Variants in MGAM2 observed in about 807,000 individuals in gnomAD.
MGAM2 encodes the protein probable maltase-glucoamylase 2.
A neutral mutation model predicts 96.1 loss-of-function variants in MGAM2; 98 were observed. That is an observed-to-expected ratio of 1.02 (90% CI 0.87 to 1.21). MGAM2 has a LOEUF of 1.21. MGAM2 is among the 50% of genes most tolerant of loss of function. The probability of loss-of-function intolerance (pLI) is 0.00; values close to 1 mark genes in which losing one functional copy is unlikely to be tolerated. For missense variants in MGAM2, 2,055 were observed against 1,182.4 expected, an observed-to-expected ratio of 1.74 and a Z score of -10.82; for synonymous variants, 749 against 414.8, an observed-to-expected ratio of 1.81 and a Z score of -9.79.
At position 142,116,885 on chromosome 7, in the gene MGAM2, G is replaced by C. The variant is rs1817422336; in HGVS notation, c.12G>C (p.Lys4Asn). The C allele has an allele frequency of 1.4e-6, 1 of 703,404 alleles. No individual in the cohort carries two copies. Among genetic ancestry groups the C allele is most frequent in the African/African-American group, 1.7e-5 (1 of 57,216 alleles). The allele number at this position is 703,404 out of a possible 1,614,324, so 43.6% of individuals were successfully genotyped here. A position where few individuals can be genotyped will look rare whatever the true frequency, so the allele number is the denominator to read the frequency against. The change falls in exon 2 of 48, where the codon AAG becomes AAC. Residue 4 changes from lysine to asparagine, a missense_variant. Physicochemically the swap from Lys to Asn is moderately conservative, Grantham distance 94. Coordinates refer to ENST00000477922, the MANE Select transcript of MGAM2 (RefSeq NM_001293626.2). ...CTGTGTCTATCTAGATGGCGAGGAA[G>C]CTCAGTGTATTGGAAGTCCTTCTGA... is the stretch of plus-strand genomic sequence containing the variant. MAR[K>N]LSVLEVLLII...
intron 9 of MGAM2, 104 bp from the exon 10 acceptor site, chr7:142,138,438 G>A: frequency 1.7e-6 from 1 of 600,066 alleles, no homozygotes. Flanking sequence ...AATTATTCTA[G>A]CAGATTACTC....
chr7:142,137,370 A>G, intron 8 of MGAM2, 63 bp from the exon 9 acceptor site: 2 of 607,968 alleles, frequency 3.3e-6, no homozygotes, highest in Non-Finnish European at 5.9e-6. Flanking sequence ...AACTATTTCT[A>G]CTGCAGAGAA....
At chr7:142,174,697 T>C in intron 31 of MGAM2, among the ~76,000 whole-genome samples, 1 of 148,464 alleles carries the variant, frequency 6.7e-6, no homozygotes, top group Non-Finnish European at 1.5e-5. Flanking sequence ...TAAATGCCCT[T>C]TATTTCTCTC....
chr7:142,212,818 C>T (rs756900199), intron 46 of MGAM2, among the ~76,000 whole-genome samples: 2 of 152,148 alleles, frequency 1.3e-5, no homozygotes, highest in Admixed American at 6.5e-5. Context: ...TTGAACTCAG[C>T]TCTGGACCAA....
In MGAM2 at chr7:142,134,107, C is replaced by G. The variant is rs1294874038; in HGVS notation, c.702C>G (p.Thr234=). 1.3e-6 allele frequency: 1 copy of G among 762,952 alleles called. No homozygotes were observed. The highest frequency in any genetic ancestry group is 2.4e-6 in the Non-Finnish European group (1 of 416,644). 47.3% of individuals were successfully genotyped at this position (762,952 alleles called of 1,614,324 possible). A position where few individuals can be genotyped will look rare whatever the true frequency, so the allele number is the denominator to read the frequency against. Residue 234 remains threonine (T), a synonymous_variant, in exon 7 of 48, where the codon ACC becomes ACG. Coordinates refer to ENST00000477922, the MANE Select transcript of MGAM2 (RefSeq NM_001293626.2). ...ACCAGCAGTACCGCCACAATATGAC[C>G]TGGAAGACTTGGCCCATCTTCACCC... The part of the protein sequence containing the change: ...HVHQQYRHNM[T]WKTWPIFTRD...
intron 37 of MGAM2, among the ~76,000 whole-genome samples, chr7:142,194,446 A>G (rs1796964603): frequency 6.6e-6 from 1 of 152,100 alleles, no homozygotes; most frequent in Admixed American, 6.5e-5. Context: ...TGCATCAGTC[A>G]CTACTCTATC....
rs35983917 is a variant in MGAM2 at position 142,122,047 on chromosome 7, CT to C, written c.186+1674del. Reference sequence around the variant, plus strand: ...AACCATCTTTATATTCTTATTTTAACTTTTTTTTAAAAGAAATGGAAAATGG... The same window carrying C: ...AACCATCTTTATATTCTTATTTTAACTTTTTTTAAAAGAAATGGAAAATGG... On this transcript the variant is annotated intron_variant, in intron 3 of 47. Coordinates refer to ENST00000477922, the MANE Select transcript of MGAM2 (RefSeq NM_001293626.2). Among the ~76,000 whole-genome samples, 1,100 of 151,922 alleles carry C rather than the reference CT, an allele frequency of 7.2e-3. 27 individuals carry two copies. Among genetic ancestry groups the C allele is most frequent in the African/African-American group, 0.024 (991 of 41,468 alleles).
chr7:142,187,903 TCAAA>T (rs1796749137), intron 36 of MGAM2, 69 bp downstream of exon 36: 1 of 674,590 alleles, frequency 1.5e-6, no homozygotes, highest in Non-Finnish European at 2.7e-6. Flanking sequence ...CCTTTTACTG[TCAAA>T]GTGAAGCCTA....
chr7:142,116,683 T>A (rs571663535), intron 1 of MGAM2, among the ~76,000 whole-genome samples, 191 bp from the exon 2 acceptor site: 1 of 152,332 alleles, frequency 6.6e-6, no homozygotes, highest in African/African-American at 2.4e-5. Flanking sequence ...CTACAGGTGT[T>A]GGATGTAAAG....
chr7:142,171,115 G>T (rs1330303575), intron 27 of MGAM2, 157 bp from the exon 28 acceptor site: 7 of 675,394 alleles, frequency 1.0e-5, no homozygotes, highest in East Asian at 2.8e-5. Flanking sequence ...CTGAGTCAGG[G>T]CCATTGTTAT....
At chr7:142,142,986 A>G (rs1311133148) in intron 12 of MGAM2, among the ~76,000 whole-genome samples, 1 of 152,240 alleles carries the variant, frequency 6.6e-6, no homozygotes, top group Non-Finnish European at 1.5e-5. Context: ...GTTGATGCCC[A>G]TCGCCTAAAA....
chr7:142,123,170 TC>T (rs1794636165), intron 3 of MGAM2, among the ~76,000 whole-genome samples: 2 of 147,276 alleles, frequency 1.4e-5, no homozygotes, highest in African/African-American at 5.0e-5. Flanking sequence ...ATAGTTATAT[TC>T]TTTTTTTTTT....
At chr7:142,160,985 A>T (rs940079637) in intron 21 of MGAM2, 140 bp from the exon 22 acceptor site, 10 of 542,360 alleles carry the variant, frequency 1.8e-5, no homozygotes, top group Admixed American at 2.8e-5. Context: ...CCCAGCTCCC[A>T]TGTGTCCACC....
At position 142,183,115 on chromosome 7, in the gene MGAM2, C is replaced by T. The variant is rs1012742132; in HGVS notation, c.3817-151C>T. The T allele has an allele frequency of 6.9e-6, 4 of 580,588 alleles. No individual in the cohort carries two copies. The Admixed American group carries it at 9.0e-5, about 13-fold the overall frequency. 36.0% of individuals were successfully genotyped at this position (580,588 alleles called of 1,614,324 possible). A position where few individuals can be genotyped will look rare whatever the true frequency, so the allele number is the denominator to read the frequency against. The stretch of plus-strand genomic sequence containing the variant: ...GTAATATATGCAGTAAGACATAAGG[C>T]AAATTATCAATGATTTTTATTTTAT... On this transcript the variant is annotated intron_variant, in intron 32 of 47. Coordinates refer to ENST00000477922, the MANE Select transcript of MGAM2 (RefSeq NM_001293626.2).
At chr7:142,112,983 C>T (rs1413865136) in intron 1 of MGAM2, among the ~76,000 whole-genome samples, 1 of 152,154 alleles carries the variant, frequency 6.6e-6, no homozygotes, top group Non-Finnish European at 1.5e-5. Flanking sequence ...GGCAAATTAC[C>T]TGTAGGTCCT....
At position 142,222,044 on chromosome 7, in the gene MGAM2, T is replaced by C. The variant is rs191320953; in HGVS notation, c.7533T>C (p.Ala2511=). 5.8e-5 allele frequency: 23 copies of C among 398,232 alleles called. No individual in the cohort carries two copies. The highest frequency in any genetic ancestry group is 8.8e-5 in the Admixed American group (2 of 22,704). The allele number at this position is 398,232 out of a possible 1,614,324, so 24.7% of individuals were successfully genotyped here. A position where few individuals can be genotyped will look rare whatever the true frequency, so the allele number is the denominator to read the frequency against. Reference sequence around the variant, plus strand: ...CTTATATTGCAAATGCCATAAATGCTACTCAAGTTCCATGATTACTACTCA... The same window carrying C: ...CTTATATTGCAAATGCCATAAATGCCACTCAAGTTCCATGATTACTACTCA... ...APTYIANAIN[A]TQVP is the part of the protein sequence containing the mutation. Residue 2511 remains alanine (A), a synonymous_variant, in exon 48 of 48, where the codon GCT becomes GCC. Transcript: ENST00000477922.
chr7:142,166,082 C>T lies in MGAM2; in HGVS notation c.2653-16C>T. On this transcript the variant is annotated splice_polypyrimidine_tract_variant and intron_variant, in intron 24 of 47. Transcript: ENST00000477922. ...TCCCTCCCTTCCTTTGTCACTGTGA[C>T]TGTCTCTTTCCCCAGGTGGTAACCA... 1 of 675,708 alleles carries T rather than the reference C, an allele frequency of 1.5e-6. No homozygotes were observed. The highest frequency in any genetic ancestry group is 2.7e-6 in the Non-Finnish European group (1 of 371,260). 41.9% of individuals were successfully genotyped at this position (675,708 alleles called of 1,614,324 possible).
intron 17 of MGAM2, 103 bp downstream of exon 17, chr7:142,154,948 C>A (rs904677954): frequency 3.1e-6 from 2 of 649,128 alleles, no homozygotes; most frequent in South Asian, 1.7e-5. Context: ...GCACTAACTG[C>A]AGCAGAAGGA....
rs1797953038 is a variant in MGAM2, at chr7:142,222,188, G to A, written c.*129G>A. 2.5e-6 allele frequency: 1 copy of A among 395,562 alleles called. No homozygotes were observed. The highest frequency in any genetic ancestry group is 3.6e-5 in the East Asian group (1 of 27,992). The allele number at this position is 395,562 out of a possible 1,614,324, so 24.5% of individuals were successfully genotyped here. A position where few individuals can be genotyped will look rare whatever the true frequency, so the allele number is the denominator to read the frequency against. ...AGTTTTCACGGATATTAGTACTCTA[G>A]CCATAAAAGACACAGCTACTCCAAA... On this transcript the variant is annotated 3_prime_UTR_variant, in exon 48 of 48. Transcript: ENST00000477922.
Sources: gnomAD v4.1 joint callset for allele counts (sites outside exome capture counted in the v4.1 genomes callset) on GRCh38, gnomAD v4.1.1 for gene constraint, MANE v1.5 for transcripts, NCBI Gene and HGNC (gene_info 2026-07-23, HGNC 2026-07-21) for gene names.